Variants in MROH2B observed in about 807,000 individuals in gnomAD.
MROH2B encodes the protein maestro heat like repeat family member 2B.
A neutral mutation model predicts 208.6 loss-of-function variants in MROH2B; 177 were observed. The ratio of observed to expected loss-of-function variants is 0.85; its 90% confidence interval spans 0.75 to 0.96. The LOEUF is 0.96. Ranked by LOEUF, MROH2B falls within the 40% of genes least tolerant of loss-of-function variation. The pLI, the probability that MROH2B is intolerant of heterozygous loss-of-function variation, is 0.00. For missense variants in MROH2B, 2,002 were observed against 1,878.7 expected (o/e 1.07, Z -1.21); for synonymous variants, 728 against 659.0 (o/e 1.10, Z -1.60).
At chr5:41,019,807 C>A (rs1055252140) in intron 24 of MROH2B, among the ~76,000 whole-genome samples, 1 of 152,162 alleles carries the variant, frequency 6.6e-6, no homozygotes, top group African/African-American at 2.4e-5. Flanking sequence ...TCTTTATTGT[C>A]TGGCTCACTG....
At chr5:41,008,547 C>A in intron 33 of MROH2B, 59 bp downstream of exon 33, 1 of 1,569,904 alleles carries the variant, frequency 6.4e-7, no homozygotes, top group Non-Finnish European at 8.7e-7. Context: ...TCTGCAGCAC[C>A]ACTCCTGGAG....
chr5:41,025,194 C>T (rs1373207454), intron 24 of MROH2B, among the ~76,000 whole-genome samples: 2 of 151,592 alleles, frequency 1.3e-5, no homozygotes, highest in South Asian at 4.2e-4. Flanking sequence ...CAGAGCAGAA[C>T]CAAAGGAGAT....
At chr5:40,999,903 T>C (rs1276617044) in intron 39 of MROH2B, 124 bp from the exon 40 acceptor site, 1 of 841,386 alleles carries the variant, frequency 1.2e-6, no homozygotes, top group Non-Finnish European at 1.8e-6. Context: ...CATAAATTAA[T>C]TGGCTGAAAA....
At chr5:41,064,444 G>A in intron 5 of MROH2B, 28 bp downstream of exon 5, 1 of 1,591,708 alleles carries the variant, frequency 6.3e-7, no homozygotes, top group Non-Finnish European at 8.6e-7. Flanking sequence ...TGGTTTTTAA[G>A]CAAAAAGGAA....
intron 19 of MROH2B, among the ~76,000 whole-genome samples, chr5:41,041,008 G>A (rs1190886246): frequency 6.6e-6 from 1 of 152,090 alleles, no homozygotes; most frequent in African/African-American, 2.4e-5. Flanking sequence ...GACCTTGAAT[G>A]AGAGTCTTAT....
chr5:41,066,478 A>C (rs1166822877), intron 3 of MROH2B, among the ~76,000 whole-genome samples: 1 of 152,060 alleles, frequency 6.6e-6, no homozygotes, highest in Non-Finnish European at 1.5e-5. Flanking sequence ...CAGTGGTGAG[A>C]CTCTGGTCAT....
chr5:41,058,289 C>T (rs895669874), intron 6 of MROH2B, 86 bp from the exon 7 acceptor site: 40 of 1,317,108 alleles, frequency 3.0e-5, no homozygotes, highest in Non-Finnish European at 3.8e-5. Context: ...TTAGGTACTC[C>T]TGAAAACTTT....
At chr5:40,998,371 T>G (rs1741275811) in intron 41 of MROH2B, among the ~76,000 whole-genome samples, 1 of 152,162 alleles carries the variant, frequency 6.6e-6, no homozygotes, top group Admixed American at 6.5e-5. Flanking sequence ...CCTGACCTTG[T>G]GATCAGTAGG....
At chr5:41,022,516 T>C (rs1282912818) in intron 24 of MROH2B, among the ~76,000 whole-genome samples, 1 of 152,178 alleles carries the variant, frequency 6.6e-6, no homozygotes, top group Non-Finnish European at 1.5e-5. Context: ...GCGCCCGCCA[T>C]TGCTGAGGCT....
At chr5:41,005,001 C>A in intron 35 of MROH2B, 81 bp from the exon 36 acceptor site, 1 of 1,520,114 alleles carries the variant, frequency 6.6e-7, no homozygotes, top group Non-Finnish European at 8.8e-7. Context: ...ATCACAAGTA[C>A]AATTAAAGAG....
At chr5:41,031,924 G>A (rs1742584141) in intron 24 of MROH2B, among the ~76,000 whole-genome samples, 1 of 152,120 alleles carries the variant, frequency 6.6e-6, no homozygotes, top group Non-Finnish European at 1.5e-5. Context: ...TTGTATGTCT[G>A]TGTAGTATTC....
chr5:41,046,065 T>C (rs1743109267), intron 17 of MROH2B, among the ~76,000 whole-genome samples: 2 of 152,204 alleles, frequency 1.3e-5, no homozygotes, highest in Non-Finnish European at 2.9e-5. Context: ...GAGAATAAGA[T>C]ACACAGAATG....
chr5:41,039,507 C>G lies in MROH2B; in HGVS notation c.2002G>C (p.Val668Leu). ...GYCAENHLDIVLKVLKTFQNQ... is the reference protein window; with the variant it reads ...GYCAENHLDILLKVLKTFQNQ... The stretch of plus-strand genomic sequence containing the variant: ...TGGAATGTTTTAAGAACTTTTAAAA[C>G]AATATCCAAATGGTTCTCGGCACAG... The change falls in exon 20 of 42, where the codon GTT (valine) becomes CTT (leucine). Residue 668 changes from valine to leucine, a missense_variant. Transcript: ENST00000399564. 6.2e-7 allele frequency: 1 copy of G among 1,607,560 alleles called. No homozygotes were observed. The highest frequency in any genetic ancestry group is 8.5e-7 in the Non-Finnish European group (1 of 1,176,396).
rs116782185 is a variant in MROH2B at position 41,033,973 on chromosome 5, G to A, written c.2215-109C>T. The A allele has an allele frequency of 5.7e-3, 8,236 of 1,449,540 alleles. 375 individuals carry two copies. The African/African-American group carries it at 0.1, about 18-fold the overall frequency. 89.8% of individuals were successfully genotyped at this position (1,449,540 alleles called of 1,614,324 possible). On this transcript the variant is annotated intron_variant, in intron 21 of 41. Coordinates refer to ENST00000399564, the MANE Select transcript of MROH2B (RefSeq NM_173489.5). Reference sequence around the variant, plus strand: ...AACCTGAAGGACAATAGTAAAGCAGGAGGTAGAGCCTTGCCAAGGGGGGTC... The same window carrying A: ...AACCTGAAGGACAATAGTAAAGCAGAAGGTAGAGCCTTGCCAAGGGGGGTC...
intron 24 of MROH2B, among the ~76,000 whole-genome samples, chr5:41,025,923 C>G (rs1227498794): frequency 6.6e-6 from 1 of 152,098 alleles, no homozygotes; most frequent in African/African-American, 2.4e-5. Flanking sequence ...TAAACAGAAC[C>G]AAAGACAAAA....
chr5:41,016,498 G>GTT (rs10689623), intron 28 of MROH2B, among the ~76,000 whole-genome samples: 37,168 of 80,572 alleles, frequency 0.46, 12,756 homozygotes, highest in Non-Finnish European at 0.5. Context: ...CTACTGTAAT[G>GTT]TTTTTTTTTT....
At chr5:41,018,524 C>G (rs924957159) in intron 26 of MROH2B, 94 bp from the exon 27 acceptor site, 1 of 1,461,748 alleles carries the variant, frequency 6.8e-7, no homozygotes, top group African/African-American at 1.4e-5. Flanking sequence ...TTTTGTAACA[C>G]GGTGCTCACC....
chr5:41,071,094 A>G lies in MROH2B; in HGVS notation c.-242T>C. ...TTGTCTTGCGTCTGAACTCCTGCTA[A>G]CCAACAAAATGGCTGCATCTCACCA... On this transcript the variant is annotated 5_prime_UTR_variant, in exon 1 of 42. Transcript: ENST00000399564. 2.2e-6 allele frequency: 1 copy of G among 457,010 alleles called. No individual in the cohort carries two copies. Among genetic ancestry groups the G allele is most frequent in the Non-Finnish European group, 3.9e-6 (1 of 255,928 alleles). The allele number at this position is 457,010 out of a possible 1,614,324, so 28.3% of individuals were successfully genotyped here. A position where few individuals can be genotyped will look rare whatever the true frequency, so the allele number is the denominator to read the frequency against.
In MROH2B at chr5:40,998,657, T is replaced by A; in HGVS notation, c.4606A>T (p.Thr1536Ser). ...TCTAGTAACTCCACATATTGGCTGG[T>A]CAAATTGAGAACAACGGCATCTAAA... Reference protein sequence around the residue: ...KLTDAVVLNLTSQYVELLDRE... With the variant: ...KLTDAVVLNLSSQYVELLDRE... The change falls in exon 41 of 42, where the codon ACC (threonine) becomes TCC (serine). Residue 1536 changes from threonine (T) to serine (S), a missense_variant. Thr to Ser is a moderately conservative substitution (Grantham distance 58). Coordinates refer to ENST00000399564, the MANE Select transcript of MROH2B (RefSeq NM_173489.5). 6.3e-7 allele frequency: 1 copy of A among 1,586,032 alleles called. No individual in the cohort carries two copies. Among genetic ancestry groups the A allele is most frequent in the South Asian group, 1.2e-5 (1 of 86,824 alleles).
Sources: gnomAD v4.1 joint callset for allele counts (sites outside exome capture counted in the v4.1 genomes callset) on GRCh38, gnomAD v4.1.1 for gene constraint, MANE v1.5 for transcripts, NCBI Gene and HGNC (gene_info 2026-07-23, HGNC 2026-07-21) for gene names.